The following UBE2E2 variants were observed in gnomAD, a reference collection of about 807,000 sequenced individuals.
The protein encoded by UBE2E2 is ubiquitin conjugating enzyme E2 E2.
UBE2E2 carries 6 observed loss-of-function variants against 24.7 expected under a neutral mutation model. The observed-to-expected ratio is 0.24, with a 90% confidence interval of 0.13 to 0.48. The LOEUF (loss-of-function observed/expected upper bound fraction) is 0.48, where lower values mean the gene tolerates loss of function less well. Ranked by LOEUF, UBE2E2 falls within the 20% of genes least tolerant of loss-of-function variation. The pLI is 0.99. For missense variants in UBE2E2, 169 were observed against 245.0 expected, an observed-to-expected ratio of 0.69 and a Z score of 2.07; for synonymous variants, 104 against 83.6, an observed-to-expected ratio of 1.24 and a Z score of -1.33.
chr3:23,262,448 A>C (rs1697929750), intron 3 of UBE2E2, among the ~76,000 whole-genome samples: 1 of 151,984 alleles, frequency 6.6e-6, no homozygotes, highest in Non-Finnish European at 1.5e-5. Context: ...CAGCTAATTA[A>C]AAAATGTTTT....
chr3:23,342,162 A>G (rs926393382), intron 3 of UBE2E2, among the ~76,000 whole-genome samples: 1 of 151,428 alleles, frequency 6.6e-6, no homozygotes, highest in Non-Finnish European at 1.5e-5. Flanking sequence ...TTTAAGCATT[A>G]TGGGGGGTAC....
intron 3 of UBE2E2, among the ~76,000 whole-genome samples, chr3:23,304,451 C>T (rs1365626599): frequency 3.9e-5 from 6 of 151,966 alleles, no homozygotes; most frequent in African/African-American, 1.2e-4. Context: ...TTACTAAACT[C>T]ATGTTAATGT....
intron 3 of UBE2E2, among the ~76,000 whole-genome samples, chr3:23,450,766 A>T (rs1352196394): frequency 6.6e-6 from 1 of 152,182 alleles, no homozygotes; most frequent in Non-Finnish European, 1.5e-5. Flanking sequence ...CATTAAAATA[A>T]CTTTTTCATT....
At chr3:23,317,009 T>C (rs1694599583) in intron 3 of UBE2E2, among the ~76,000 whole-genome samples, 1 of 152,116 alleles carries the variant, frequency 6.6e-6, no homozygotes, top group East Asian at 1.9e-4. Flanking sequence ...ACTGGTGCCT[T>C]TCCTCTCCTC....
intron 3 of UBE2E2, among the ~76,000 whole-genome samples, chr3:23,435,407 G>A (rs1282717504): frequency 6.6e-6 from 1 of 152,218 alleles, no homozygotes; most frequent in East Asian, 1.9e-4. Context: ...GATTCACACA[G>A]CCAGTAAGTG....
chr3:23,564,473 C>T (rs1027614154), intron 5 of UBE2E2, among the ~76,000 whole-genome samples: 7 of 152,080 alleles, frequency 4.6e-5, no homozygotes, highest in Admixed American at 2.0e-4. Context: ...ACACCCAAAT[C>T]CAATCTCCAA....
intron 3 of UBE2E2, among the ~76,000 whole-genome samples, chr3:23,427,259 CAAAAA>C (rs74787665): frequency 1.1e-5 from 1 of 88,488 alleles, no homozygotes; most frequent in Non-Finnish European, 2.4e-5. Context: ...CCATCTCTAC[CAAAAA>C]AAAAAAAAAA....
chr3:23,227,307 TTATATCCA>T (rs1696853181), intron 3 of UBE2E2, among the ~76,000 whole-genome samples: 1 of 152,232 alleles, frequency 6.6e-6, no homozygotes, highest in Non-Finnish European at 1.5e-5. Flanking sequence ...TTTCCCTCTT[TTATATCCA>T]TATCTTCATT....
At chr3:23,458,450 C>T (rs1424087709) in intron 3 of UBE2E2, among the ~76,000 whole-genome samples, 2 of 133,940 alleles carry the variant, frequency 1.5e-5, no homozygotes, top group South Asian at 2.4e-4. Flanking sequence ...GAGACGGAGT[C>T]TCTATCGCCC....
At chr3:23,437,123 A>T (rs1698201677) in intron 3 of UBE2E2, among the ~76,000 whole-genome samples, 1 of 151,786 alleles carries the variant, frequency 6.6e-6, no homozygotes, top group African/African-American at 2.4e-5. Context: ...CTTTCACTTG[A>T]CTCTGGCCAC....
intron 3 of UBE2E2, among the ~76,000 whole-genome samples, chr3:23,267,679 G>C (rs999016098): frequency 4.1e-4 from 63 of 152,072 alleles, no homozygotes; most frequent in Admixed American, 1.2e-3. Flanking sequence ...AATAGAAAAA[G>C]AGGGAATCCT....
At position 23,589,862 on chromosome 3, in the gene UBE2E2, G is replaced by C. The variant is rs767255187; in HGVS notation, c.*31G>C. ...TGCTGCCTGCCGCCCCGCGGGACCT[G>C]TGCAAGCACATTCACCAAGTGCATC... is the stretch of plus-strand genomic sequence containing the variant. On this transcript the variant is annotated 3_prime_UTR_variant, in exon 6 of 6. Transcript: ENST00000396703. The surrounding 1 kb of genome is among the most constrained non-coding windows in gnomAD (Gnocchi z 4.1). 1 of 1,610,294 alleles carries C rather than the reference G, an allele frequency of 6.2e-7. No individual in the cohort carries two copies. The highest frequency in any genetic ancestry group is 1.3e-5 in the African/African-American group (1 of 74,860).
chr3:23,550,107 A>C (rs1393370929), intron 5 of UBE2E2, among the ~76,000 whole-genome samples: 3 of 151,772 alleles, frequency 2.0e-5, no homozygotes, highest in African/African-American at 7.3e-5. Context: ...TTAAGTTTGG[A>C]GTTTCAAATG....
chr3:23,452,786 A>C (rs768254786), intron 3 of UBE2E2, among the ~76,000 whole-genome samples: 9 of 152,130 alleles, frequency 5.9e-5, no homozygotes, highest in Non-Finnish European at 1.2e-4. Context: ...GGGAGGAAAA[A>C]GACTTGAAGG....
intron 5 of UBE2E2, among the ~76,000 whole-genome samples, chr3:23,556,123 TA>T: frequency 1.3e-5 from 2 of 151,022 alleles, no homozygotes; most frequent in South Asian, 4.2e-4. Flanking sequence ...ACGTGTTGTA[TA>T]CCTTAAATAT....
intron 3 of UBE2E2, among the ~76,000 whole-genome samples, chr3:23,483,439 G>T (rs756669805): frequency 1.3e-5 from 2 of 152,058 alleles, no homozygotes; most frequent in Non-Finnish European, 2.9e-5. Flanking sequence ...AACTTCACAC[G>T]GTAAAAAGTG....
intron 3 of UBE2E2, among the ~76,000 whole-genome samples, chr3:23,250,671 G>C (rs13087416): frequency 0.27 from 41,398 of 152,088 alleles, 6,075 homozygotes; most frequent in Non-Finnish European, 0.33. Flanking sequence ...TTTAGTTTCA[G>C]AGAAAAGTTT....
chr3:23,230,668 C>T (rs1376429030), intron 3 of UBE2E2, among the ~76,000 whole-genome samples: 1 of 151,938 alleles, frequency 6.6e-6, no homozygotes, highest in East Asian at 1.9e-4. Flanking sequence ...TACTTGTAAT[C>T]CCAGCTACTC....
intron 5 of UBE2E2, among the ~76,000 whole-genome samples, chr3:23,549,666 C>T (rs1386774682): frequency 1.3e-5 from 2 of 151,494 alleles, no homozygotes; most frequent in African/African-American, 2.4e-5. Context: ...AGTATCATTA[C>T]GTGGAATGTT....
Sources: gnomAD v4.1 joint callset for allele counts (sites outside exome capture counted in the v4.1 genomes callset) on GRCh38, gnomAD v4.1.1 for gene constraint, Gnocchi (gnomAD v3.1) non-coding constraint, MANE v1.5 for transcripts, NCBI Gene and HGNC (gene_info 2026-07-23, HGNC 2026-07-21) for gene names.